The following PCDH7 variants were observed in gnomAD, a reference collection of about 807,000 sequenced individuals.
The protein encoded by PCDH7 is protocadherin 7.
PCDH7 carries 17 observed loss-of-function variants against 58.9 expected under a neutral mutation model. The ratio of observed to expected loss-of-function variants is 0.29; its 90% CI spans 0.20 to 0.43. The LOEUF is 0.43. Ranked by LOEUF, PCDH7 falls within the 20% of genes least tolerant of loss-of-function variation. The pLI is 1.00. For synonymous variants in PCDH7, 664 were observed against 616.4 expected (o/e 1.08, Z -1.14); for missense variants, 1,274 against 1,441.0 (o/e 0.88, Z 1.88).
chr4:31,107,794 TC>T (rs1288052348), intron 3 of PCDH7, among the ~76,000 whole-genome samples: 2 of 152,182 alleles, frequency 1.3e-5, no homozygotes, highest in Non-Finnish European at 2.9e-5. Flanking sequence ...TTTCATTTTT[TC>T]TATGTTAACG....
At chr4:31,136,385 A>C (rs1247064537) in intron 3 of PCDH7, among the ~76,000 whole-genome samples, 1 of 152,176 alleles carries the variant, frequency 6.6e-6, no homozygotes, top group Non-Finnish European at 1.5e-5. Context: ...TACGTGGTTG[A>C]GCCTGGAATC....
At chr4:30,970,665 GT>G (rs907220843) in intron 3 of PCDH7, among the ~76,000 whole-genome samples, 23 of 151,316 alleles carry the variant, frequency 1.5e-4, no homozygotes, top group South Asian at 4.2e-4. Context: ...AAAGGAAAAG[GT>G]TTTTTTTTGT....
chr4:30,999,169 G>C (rs1752146461), intron 3 of PCDH7, among the ~76,000 whole-genome samples: 1 of 152,158 alleles, frequency 6.6e-6, no homozygotes, highest in East Asian at 1.9e-4. Flanking sequence ...TGTTACCTTT[G>C]GAAAGTCACT....
At chr4:30,766,069 G>A (rs1720704557) in intron 1 of PCDH7, among the ~76,000 whole-genome samples, 1 of 151,584 alleles carries the variant, frequency 6.6e-6, no homozygotes. Context: ...AGGAAAAGTG[G>A]CTGGGGACAC....
chr4:31,117,177 C>T (rs747644767), intron 3 of PCDH7, among the ~76,000 whole-genome samples: 2 of 152,092 alleles, frequency 1.3e-5, no homozygotes, highest in Admixed American at 6.6e-5. Flanking sequence ...CCACCGCTCC[C>T]GGCCTAGGTT....
At chr4:30,784,500 C>T (rs1723160881) in intron 1 of PCDH7, among the ~76,000 whole-genome samples, 1 of 151,984 alleles carries the variant, frequency 6.6e-6, no homozygotes, top group Non-Finnish European at 1.5e-5. Flanking sequence ...TGCTGCATAG[C>T]AATATGATTA....
At chr4:30,843,824 A>G (rs74809470) in intron 1 of PCDH7, among the ~76,000 whole-genome samples, 7,652 of 152,224 alleles carry the variant, frequency 0.05, 263 homozygotes, top group Non-Finnish European at 0.069. Flanking sequence ...TCTTACAGAC[A>G]TAAATGACTT....
chr4:31,118,918 C>T (rs968596164), intron 3 of PCDH7, among the ~76,000 whole-genome samples: 2 of 152,100 alleles, frequency 1.3e-5, no homozygotes, highest in Non-Finnish European at 2.9e-5. Context: ...GTAACAGCTC[C>T]TGTTGGCTTA....
At chr4:30,846,147 A>G (rs1236556282) in intron 1 of PCDH7, among the ~76,000 whole-genome samples, 8 of 152,094 alleles carry the variant, frequency 5.3e-5, no homozygotes, top group South Asian at 4.1e-4. Context: ...GGGTTTCCCA[A>G]TGTTGGCACT....
chr4:30,982,689 G>A (rs1042190239), intron 3 of PCDH7, among the ~76,000 whole-genome samples: 2 of 152,138 alleles, frequency 1.3e-5, no homozygotes, highest in African/African-American at 4.8e-5. Context: ...TATGAAGGAT[G>A]TCAGACTTTT....
chr4:31,138,975 CAA>C (rs199822943), intron 3 of PCDH7, among the ~76,000 whole-genome samples: 33 of 88,850 alleles, frequency 3.7e-4, no homozygotes, highest in Non-Finnish European at 3.9e-4. Context: ...GATCCTGTCT[CAA>C]AAAAAAAAAA....
chr4:30,981,876 A>G lies in PCDH7; in HGVS notation c.*7+31661A>G, dbSNP rs115397510. ...AGAGTTCATATATTTTACACTGTAGAATGCCATTCACCATTGTTGGCAGCC... is the reference window on the plus strand; with the variant it reads ...AGAGTTCATATATTTTACACTGTAGGATGCCATTCACCATTGTTGGCAGCC... On this transcript the variant is annotated intron_variant, in intron 3 of 3. Coordinates refer to the PCDH7 transcript ENST00000509759. 4.3e-3 allele frequency among the ~76,000 whole-genome samples: 655 copies of G among 152,306 alleles called. 6 individuals are homozygous for G. Among genetic ancestry groups the G allele is most frequent in the African/African-American group, 0.015 (621 of 41,564 alleles).
chr4:31,140,167 T>C (rs1171457119), intron 3 of PCDH7, among the ~76,000 whole-genome samples: 2 of 152,178 alleles, frequency 1.3e-5, no homozygotes, highest in Admixed American at 1.3e-4. Flanking sequence ...AGTTAAAAAG[T>C]AAGAAGACTT....
rs1578421042 is a variant in PCDH7 at position 30,961,147 on chromosome 4, A to T, written c.*7+10932A>T. On this transcript the variant is annotated intron_variant, in intron 3 of 3. Coordinates refer to the PCDH7 transcript ENST00000509759. ...TTATTTCTTTTATGGGAATGTGTGT[A>T]AAGTGCTTATTATATTCTTAATAAT... is the stretch of plus-strand genomic sequence containing the variant. Among the ~76,000 whole-genome samples the T allele has an allele frequency of 2.0e-5, 3 of 152,248 alleles. No individual in the cohort carries two copies. In the South Asian group the frequency reaches 6.2e-4, roughly 32 times the overall value.
At chr4:31,061,754 T>G (rs1757706983) in intron 3 of PCDH7, among the ~76,000 whole-genome samples, 1 of 151,690 alleles carries the variant, frequency 6.6e-6, no homozygotes, top group South Asian at 2.1e-4. Flanking sequence ...ATTCAAAGTA[T>G]GGAGATTGAA....
chr4:31,125,357 T>C (rs537183111), intron 3 of PCDH7, among the ~76,000 whole-genome samples: 1 of 152,352 alleles, frequency 6.6e-6, no homozygotes, highest in East Asian at 1.9e-4. Flanking sequence ...CTAAGACTTT[T>C]GTAGTTACCA....
intron 3 of PCDH7, among the ~76,000 whole-genome samples, chr4:31,057,755 T>C (rs188277905): frequency 1.9e-4 from 29 of 152,272 alleles, no homozygotes; most frequent in African/African-American, 6.0e-4. Flanking sequence ...TTTCCTCATC[T>C]AACCATTTCT....
intron 1 of PCDH7, chr4:30,884,600 C>T (rs1737447683): frequency 6.6e-6 from 1 of 152,128 alleles, no homozygotes; most frequent in Non-Finnish European, 1.5e-5. Flanking sequence ...CACTAAGATT[C>T]AGAATAGGCA....
In PCDH7 at chr4:30,722,763, G is replaced by T. The variant is rs757082389; in HGVS notation, c.1341G>T (p.Val447=). 7 of 1,613,464 alleles carry T rather than the reference G, an allele frequency of 4.3e-6. No homozygotes were observed. The highest frequency in any genetic ancestry group is 5.9e-6 in the Non-Finnish European group (7 of 1,180,046). ...ACACCCCCATCGCTCTGGTGCAGGTGTCCGACCGAGACCAAGGCGAGAACG... is the reference window on the plus strand; with the variant it reads ...ACACCCCCATCGCTCTGGTGCAGGTTTCCGACCGAGACCAAGGCGAGAACG... Residue 447 remains valine (V), a synonymous_variant, in exon 1 of 2, where the codon GTG becomes GTT. Transcript: ENST00000361762. The surrounding 1 kb of genome is among the most constrained non-coding windows in gnomAD (Gnocchi z 7.6).
Sources: allele counts gnomAD v4.1 joint callset (sites outside exome capture counted in the v4.1 genomes callset), GRCh38; gene constraint gnomAD v4.1.1; non-coding constraint Gnocchi (gnomAD v3.1); transcripts MANE v1.5; gene names NCBI Gene and HGNC (gene_info 2026-07-23, HGNC 2026-07-21).